GABRB1: variants seen among roughly 807,000 people sequenced by gnomAD.
GABRB1 encodes the protein gamma-aminobutyric acid type A receptor subunit beta1, also known as gamma-aminobutyric acid receptor subunit beta-1.
GABRB1 carries 17 observed loss-of-function variants against 51.6 expected under a neutral mutation model. That is an observed-to-expected ratio of 0.33 (90% CI 0.23 to 0.49). The LOEUF is 0.49. GABRB1 is among the 20% of genes least tolerant of loss of function. GABRB1 has a pLI of 0.99. For synonymous variants in GABRB1, 247 were observed against 218.9 expected, an observed-to-expected ratio of 1.13 and a Z score of -1.14; for missense variants, 410 against 600.6, an observed-to-expected ratio of 0.68 and a Z score of 3.32.
chr4:47,068,666 G>A, intron 3 of GABRB1, among the ~76,000 whole-genome samples: 1 of 152,080 alleles, frequency 6.6e-6, no homozygotes, highest in East Asian at 1.9e-4. Context: ...TCTTATATGG[G>A]CATGATTCAT....
chr4:47,231,995 G>T (rs1721159907), intron 4 of GABRB1, among the ~76,000 whole-genome samples: 2 of 152,100 alleles, frequency 1.3e-5, no homozygotes, highest in African/African-American at 4.8e-5. Context: ...AATTGCCCAT[G>T]AAGTAGTAGG....
Position 47,354,984 on chromosome 4 carries a change from T to TTTTTTTG in GABRB1, c.544+34781_544+34782insGTTTTTT, listed in dbSNP as rs1553877824. On this transcript the variant is annotated intron_variant, in intron 5 of 8. Transcript: ENST00000295454. ...CCTTTCTTTCTTTCTTCCTTTGTTT[T>TTTTTTTG]TTTTTTTTTTTTTTTTTTTTTGACA... Among the ~76,000 whole-genome samples the TTTTTTTG allele has an allele frequency of 2.1e-4, 18 of 86,374 alleles. 3 individuals carry two copies. Among genetic ancestry groups the TTTTTTTG allele is most frequent in the Admixed American group, 3.6e-4 (3 of 8,302 alleles). The allele number at this position is 86,374 out of a possible 152,430, so 56.7% of individuals were successfully genotyped here. A position where few individuals can be genotyped will look rare whatever the true frequency, so the allele number is the denominator to read the frequency against.
chr4:47,140,521 C>T (rs1042948181), intron 3 of GABRB1, among the ~76,000 whole-genome samples: 2 of 151,908 alleles, frequency 1.3e-5, no homozygotes, highest in Non-Finnish European at 2.9e-5. Flanking sequence ...ATTGTCTTGG[C>T]AATGATCACA....
At chr4:47,364,348 A>G (rs1726905634) in intron 5 of GABRB1, among the ~76,000 whole-genome samples, 1 of 152,164 alleles carries the variant, frequency 6.6e-6, no homozygotes, top group Non-Finnish European at 1.5e-5. Flanking sequence ...TTGTAGCACA[A>G]AAGCAAATTA....
chr4:47,333,455 C>T (rs1725579106), intron 5 of GABRB1, among the ~76,000 whole-genome samples: 2 of 152,058 alleles, frequency 1.3e-5, no homozygotes, highest in African/African-American at 4.8e-5. Context: ...TGGCTCATGC[C>T]TGTAATCCCA....
intron 5 of GABRB1, among the ~76,000 whole-genome samples, chr4:47,367,949 G>T (rs1418168088): frequency 6.6e-6 from 1 of 152,196 alleles, no homozygotes; most frequent in Admixed American, 6.5e-5. Context: ...CAAAGGAAAA[G>T]GAAGTGGAGG....
intron 4 of GABRB1, among the ~76,000 whole-genome samples, chr4:47,273,877 A>C (rs1722970911): frequency 6.6e-6 from 1 of 151,612 alleles, no homozygotes; most frequent in Non-Finnish European, 1.5e-5. Context: ...ACACACACAC[A>C]CACACACACA....
At chr4:47,357,945 T>C (rs1048054127) in intron 5 of GABRB1, among the ~76,000 whole-genome samples, 10 of 152,206 alleles carry the variant, frequency 6.6e-5, no homozygotes, top group African/African-American at 1.4e-4. Context: ...ATGATACTAA[T>C]AACTAGCATA....
rs531431257 is a variant in GABRB1, at chr4:47,137,141, C to A, written c.241-24108C>A. ...AGACTCAAATATTGATAAATCATCC[C>A]TAACTGGCCTCTAGGAAGTTGAGGG... On this transcript the variant is annotated intron_variant, in intron 3 of 8. Transcript: ENST00000295454. Among the ~76,000 whole-genome samples, 12 of 152,182 alleles carry A rather than the reference C, an allele frequency of 7.9e-5. 1 individual carries two copies. The South Asian group carries it at 2.1e-3, about 26-fold the overall frequency.
intron 4 of GABRB1, among the ~76,000 whole-genome samples, chr4:47,293,557 G>A (rs1366691485): frequency 6.6e-6 from 1 of 152,068 alleles, no homozygotes; most frequent in Non-Finnish European, 1.5e-5. Flanking sequence ...GATATCTATA[G>A]ATATAGATAT....
At position 47,204,184 on chromosome 4, in the gene GABRB1, G is replaced by T. The variant is rs1362288310; in HGVS notation, c.461+42715G>T. ...TACATGATTCGTGTTCTATCACATC[G>T]AGTCTGGGTTCTCTGGTTACATGCA... is the stretch of plus-strand genomic sequence containing the variant. On this transcript the variant is annotated intron_variant, in intron 4 of 8. Coordinates refer to ENST00000295454, the MANE Select transcript of GABRB1 (RefSeq NM_000812.4). Among the ~76,000 whole-genome samples the T allele has an allele frequency of 2.6e-5, 4 of 152,082 alleles. No individual in the cohort carries two copies. In the South Asian group the frequency reaches 8.3e-4, roughly 32 times the overall value.
At chr4:47,245,009 G>A (rs1721688410) in intron 4 of GABRB1, among the ~76,000 whole-genome samples, 1 of 152,132 alleles carries the variant, frequency 6.6e-6, no homozygotes, top group South Asian at 2.1e-4. Context: ...CAGAACTGAA[G>A]GAGGTAGAGA....
intron 4 of GABRB1, among the ~76,000 whole-genome samples, chr4:47,276,125 G>C (rs1262939849): frequency 6.6e-6 from 1 of 152,128 alleles, no homozygotes; most frequent in Admixed American, 6.6e-5. Context: ...TCATCAAAAT[G>C]TATCACATGG....
intron 4 of GABRB1, among the ~76,000 whole-genome samples, chr4:47,303,590 C>A (rs1724340636): frequency 6.6e-6 from 1 of 151,788 alleles, no homozygotes; most frequent in Admixed American, 6.6e-5. Context: ...AATATAAGAT[C>A]AGATTTATTT....
intron 3 of GABRB1, among the ~76,000 whole-genome samples, chr4:47,095,462 T>C (rs979107706): frequency 1.3e-5 from 2 of 152,190 alleles, no homozygotes; most frequent in Non-Finnish European, 2.9e-5. Context: ...TTCATGTGTA[T>C]GTGTAGGAAC....
intron 4 of GABRB1, among the ~76,000 whole-genome samples, chr4:47,174,470 C>G (rs1718580677): frequency 6.6e-6 from 1 of 152,004 alleles, no homozygotes; most frequent in African/African-American, 2.4e-5. Flanking sequence ...TTGTAGATAC[C>G]CCTCCTCACA....
chr4:47,391,873 GC>G (rs1483527180), intron 5 of GABRB1, among the ~76,000 whole-genome samples: 4 of 152,106 alleles, frequency 2.6e-5, no homozygotes, highest in Admixed American at 2.6e-4. Context: ...ATGAAAGAAG[GC>G]CCTTTTCTTC....
chr4:47,339,524 T>A (rs897576602), intron 5 of GABRB1, among the ~76,000 whole-genome samples: 2 of 140,088 alleles, frequency 1.4e-5, no homozygotes, highest in African/African-American at 5.5e-5. Context: ...GACATATTTA[T>A]GTGTGTATGT....
At chr4:47,113,428 G>GTGTTAAGT (rs1448087943) in intron 3 of GABRB1, among the ~76,000 whole-genome samples, 1 of 150,402 alleles carries the variant, frequency 6.6e-6, no homozygotes, top group Admixed American at 6.6e-5. Flanking sequence ...AGTACATAAT[G>GTGTTAAGT]TGTTAAGTGA....
Sources: allele counts gnomAD v4.1 joint callset (sites outside exome capture counted in the v4.1 genomes callset), GRCh38; gene constraint gnomAD v4.1.1; transcripts MANE v1.5; gene names NCBI Gene and HGNC (gene_info 2026-07-23, HGNC 2026-07-21).